Variants in XRRA1 observed in about 807,000 individuals in gnomAD.
The protein encoded by XRRA1 is X-ray radiation resistance-associated protein 1.
XRRA1 carries 69 observed loss-of-function variants against 80.2 expected under a neutral mutation model. The ratio of observed to expected loss-of-function variants is 0.86; its 90% confidence interval spans 0.71 to 1.05. The LOEUF (loss-of-function observed/expected upper bound fraction) is 1.05, where lower values mean the gene tolerates loss of function less well. XRRA1 is among the 50% of genes least tolerant of loss of function. The pLI is 0.00. For missense variants in XRRA1, 967 were observed against 976.4 expected (o/e 0.99, Z 0.13); for synonymous variants, 348 against 389.9 (o/e 0.89, Z 1.27).
At chr11:74,945,660 A>G (rs1285262342) in intron 1 of XRRA1, among the ~76,000 whole-genome samples, 4 of 152,138 alleles carry the variant, frequency 2.6e-5, no homozygotes, top group African/African-American at 9.7e-5. Flanking sequence ...TATGGTAGAA[A>G]AAAAAGTCAA....
intron 17 of XRRA1, 68 bp from the exon 18 acceptor site, chr11:74,844,027 T>C: frequency 1.3e-6 from 2 of 1,510,168 alleles, no homozygotes; most frequent in Non-Finnish European, 1.8e-6. Context: ...CCTAACTTCA[T>C]ACAGTCACAG....
In XRRA1 at chr11:74,874,352, A is replaced by G. The variant is rs997475087; in HGVS notation, c.1004-11331T>C. ...AATTAGTTAAAACAAGCCTTACTTA[A>G]GGTACCAGTCCTCAGCCTTCCCATA... On this transcript the variant is annotated intron_variant, in intron 10 of 18. Transcript: ENST00000684022. Among the ~76,000 whole-genome samples, 7 of 151,918 alleles carry G rather than the reference A, an allele frequency of 4.6e-5. No homozygotes were observed. The South Asian group carries it at 8.3e-4, about 18-fold the overall frequency.
intron 8 of XRRA1, among the ~76,000 whole-genome samples, chr11:74,913,186 G>C (rs11605090): frequency 0.044 from 6,657 of 152,238 alleles, 243 homozygotes; most frequent in South Asian, 0.066. Context: ...CATTATAGTA[G>C]GAAGTGTCCA....
chr11:74,881,235 T>G (rs2047487188), intron 10 of XRRA1, among the ~76,000 whole-genome samples: 1 of 152,012 alleles, frequency 6.6e-6, no homozygotes, highest in South Asian at 2.1e-4. Flanking sequence ...TTTGTCTCTT[T>G]TGATCTTTGT....
At chr11:74,936,831 T>C in intron 4 of XRRA1, 53 bp downstream of exon 4, 1 of 1,550,040 alleles carries the variant, frequency 6.5e-7, no homozygotes, top group Non-Finnish European at 8.7e-7. Context: ...CTTCCCCACT[T>C]CCTCCCCACC....
At chr11:74,912,928 T>C (rs1009446622) in intron 8 of XRRA1, among the ~76,000 whole-genome samples, 2 of 152,214 alleles carry the variant, frequency 1.3e-5, no homozygotes, top group South Asian at 2.1e-4. Flanking sequence ...AAATTAGGCC[T>C]TGTAAGGATT....
rs1476269393 is a variant in XRRA1 at position 74,889,982 on chromosome 11, A to G, written c.1003+16257T>C. ...CTTTAACACCCCACTGTCAACATTA[A>G]ACAGATCAATGAGACAGAAAGTTAA... On this transcript the variant is annotated intron_variant, in intron 10 of 18. Coordinates refer to ENST00000684022, the MANE Select transcript of XRRA1 (RefSeq NM_001378157.1). Among the ~76,000 whole-genome samples the G allele has an allele frequency of 9.9e-5, 15 of 152,214 alleles. No homozygotes were observed. The East Asian group carries it at 1.4e-3, about 14-fold the overall frequency.
intron 12 of XRRA1, among the ~76,000 whole-genome samples, chr11:74,852,632 A>G (rs1342264533): frequency 6.6e-6 from 1 of 152,192 alleles, no homozygotes; most frequent in Non-Finnish European, 1.5e-5. Flanking sequence ...AAGTAGAGCC[A>G]GTGTTAAGAG....
chr11:74,910,783 G>A (rs1180034904), intron 8 of XRRA1: 1 of 152,286 alleles, frequency 6.6e-6, no homozygotes, highest in African/African-American at 2.4e-5. Context: ...GGACCAAACA[G>A]GAGGATAACA....
At chr11:74,932,563 G>A (rs1487939591) in intron 5 of XRRA1, among the ~76,000 whole-genome samples, 8 of 152,222 alleles carry the variant, frequency 5.3e-5, no homozygotes, top group South Asian at 4.1e-4. Context: ...TGGTGAGCAC[G>A]TGAGTGAATA....
At chr11:74,886,587 C>T (rs60725765) in intron 10 of XRRA1, among the ~76,000 whole-genome samples, 3,212 of 151,814 alleles carry the variant, frequency 0.021, 107 homozygotes, top group African/African-American at 0.074. Flanking sequence ...AATGGAAAAA[C>T]ATTCCATGCC....
At chr11:74,896,648 C>T (rs1464452809) in intron 10 of XRRA1, among the ~76,000 whole-genome samples, 5 of 152,166 alleles carry the variant, frequency 3.3e-5, no homozygotes, top group African/African-American at 4.8e-5. Flanking sequence ...GTGTTGGCTT[C>T]GGGTCTGACA....
rs1368850458 is a variant in XRRA1, at chr11:74,906,295, G to A, written c.947C>T (p.Ser316Leu). 9.3e-6 allele frequency: 15 copies of A among 1,613,864 alleles called. No individual in the cohort carries two copies. The highest frequency in any genetic ancestry group is 1.3e-5 in the Non-Finnish European group (15 of 1,179,894). ...LQSKPRMLED[S>L]DEQLDYTVLP... ...TACAGTATAATCCAGTTGCTCATCTGAGTCCTCAAGCATCCTTGGCTTGGA... is the reference window on the plus strand; with the variant it reads ...TACAGTATAATCCAGTTGCTCATCTAAGTCCTCAAGCATCCTTGGCTTGGA... Residue 316 changes from serine to leucine, a missense_variant, in exon 10 of 19, where the codon TCA (serine) becomes TTA (leucine). By Grantham distance (145) the Ser-to-Leu change is moderately radical. Transcript: ENST00000684022.
intron 12 of XRRA1, among the ~76,000 whole-genome samples, chr11:74,853,279 C>T (rs1214954108): frequency 1.3e-5 from 2 of 152,120 alleles, no homozygotes; most frequent in Admixed American, 6.5e-5. Context: ...AGGTAATTAG[C>T]GAACGCAGTG....
chr11:74,869,908 G>C (rs1235304274), intron 10 of XRRA1, among the ~76,000 whole-genome samples: 1 of 152,056 alleles, frequency 6.6e-6, no homozygotes, highest in Non-Finnish European at 1.5e-5. Flanking sequence ...CTCACTCTTT[G>C]TGTGCCCAGG....
At chr11:74,844,000 T>C (rs1172188437) in intron 17 of XRRA1, 41 bp from the exon 18 acceptor site, 2 of 1,576,204 alleles carry the variant, frequency 1.3e-6, no homozygotes, top group Non-Finnish European at 8.7e-7. Context: ...CCCAGGTTTA[T>C]GCACAGACTT....
At chr11:74,864,740 G>A (rs1214402192) in intron 10 of XRRA1, among the ~76,000 whole-genome samples, 3 of 152,198 alleles carry the variant, frequency 2.0e-5, no homozygotes, top group Admixed American at 6.5e-5. Context: ...GAAAGTTGCC[G>A]TTTTTCTGAT....
At chr11:74,881,264 A>T (rs2047497064) in intron 10 of XRRA1, among the ~76,000 whole-genome samples, 1 of 151,612 alleles carries the variant, frequency 6.6e-6, no homozygotes, top group South Asian at 2.1e-4. Flanking sequence ...AGTCTGTTTT[A>T]TCCGAGACTA....
intron 10 of XRRA1, among the ~76,000 whole-genome samples, chr11:74,895,969 G>T (rs1213136796): frequency 1.3e-5 from 2 of 152,206 alleles, no homozygotes; most frequent in Non-Finnish European, 2.9e-5. Flanking sequence ...GTACTGGCAA[G>T]ATTCATCCCC....
Sources: gnomAD v4.1 joint callset for allele counts (sites outside exome capture counted in the v4.1 genomes callset) on GRCh38, gnomAD v4.1.1 for gene constraint, MANE v1.5 for transcripts, NCBI Gene and HGNC (gene_info 2026-07-23, HGNC 2026-07-21) for gene names.